TACR3: variants seen among roughly 807,000 people sequenced by gnomAD.
TACR3 encodes the protein neuromedin-K receptor.
Under a neutral mutation model 35.0 loss-of-function variants are expected in TACR3, and 34 were observed. That is an observed-to-expected ratio of 0.97 (90% CI 0.74 to 1.30). The LOEUF is 1.30. TACR3 is among the 50% of genes most tolerant of loss of function. TACR3 has a pLI of 0.00. For missense variants in TACR3, 558 were observed against 591.7 expected, an observed-to-expected ratio of 0.94 and a Z score of 0.59; for synonymous variants, 233 against 221.1, an observed-to-expected ratio of 1.05 and a Z score of -0.48.
At chr4:103,657,000 C>A (rs1169714024) in intron 2 of TACR3, among the ~76,000 whole-genome samples, 1 of 150,956 alleles carries the variant, frequency 6.6e-6, no homozygotes, top group African/African-American at 2.5e-5. Context: ...AGTAGTCAAA[C>A]GAGAAGTATG....
In TACR3 at chr4:103,719,710, A is replaced by T; in HGVS notation, c.-35T>A. 1 of 1,602,332 alleles carries T rather than the reference A, an allele frequency of 6.2e-7. No homozygotes were observed. Among genetic ancestry groups the T allele is most frequent in the South Asian group, 1.1e-5 (1 of 90,960 alleles). On this transcript the variant is annotated 5_prime_UTR_variant, in exon 1 of 5. Transcript: ENST00000304883. ...TCTGCAGTCCCGGACCCTCCCACTC[A>T]CCCACGGGCAGCCCAAGACGAGACT...
Position 103,589,914 on chromosome 4 carries a change from G to T in TACR3, c.1166C>A (p.Thr389Asn). 1.2e-6 allele frequency: 2 copies of T among 1,614,000 alleles called. No individual in the cohort carries two copies. The highest frequency in any genetic ancestry group is 1.7e-6 in the Non-Finnish European group (2 of 1,179,900). ...TTGCCGGTTTGGATGAAACCTGGTGGTCTTGAGCTCTAGCTCATCATAGCT... is the reference window on the plus strand; with the variant it reads ...TTGCCGGTTTGGATGAAACCTGGTGTTCTTGAGCTCTAGCTCATCATAGCT... ...VSSYDELELK[T>N]TRFHPNRQSS... Residue 389 changes from threonine to asparagine, a missense_variant, in exon 5 of 5, where the codon ACC becomes AAC. Coordinates refer to ENST00000304883, the MANE Select transcript of TACR3 (RefSeq NM_001059.3).
chr4:103,634,578 ATC>A (rs1725137952), intron 3 of TACR3, among the ~76,000 whole-genome samples: 1 of 152,112 alleles, frequency 6.6e-6, no homozygotes, highest in African/African-American at 2.4e-5. Flanking sequence ...TGTCATCTTC[ATC>A]AGCATAAACT....
At chr4:103,667,907 C>A (rs1015359232) in intron 1 of TACR3, among the ~76,000 whole-genome samples, 5 of 152,124 alleles carry the variant, frequency 3.3e-5, no homozygotes, top group Non-Finnish European at 5.9e-5. Flanking sequence ...TGGCTCACTG[C>A]AATCTCTGCC....
Position 103,586,177 on chromosome 4 carries a change from T to G in TACR3, c.*3505A>C. On this transcript the variant is annotated 3_prime_UTR_variant, in exon 5 of 5. Coordinates refer to ENST00000304883, the MANE Select transcript of TACR3 (RefSeq NM_001059.3). Reference sequence around the variant, plus strand: ...GAAAATACTTTATTCACTACAAACTTTATATACATTTACTTCTTATATAAA... The same window carrying G: ...GAAAATACTTTATTCACTACAAACTGTATATACATTTACTTCTTATATAAA... The G allele has an allele frequency of 6.6e-6, 1 of 151,948 alleles. No homozygotes were observed. 9.4% of individuals were successfully genotyped at this position (151,948 alleles called of 1,614,324 possible).
At chr4:103,627,662 C>CAAAG (rs1163566868) in intron 3 of TACR3, among the ~76,000 whole-genome samples, 4 of 152,128 alleles carry the variant, frequency 2.6e-5, no homozygotes, top group African/African-American at 9.7e-5. Context: ...TAGAGACCTA[C>CAAAG]AAAGAGACTT....
At chr4:103,621,798 G>C (rs1403978360) in intron 3 of TACR3, among the ~76,000 whole-genome samples, 1 of 152,204 alleles carries the variant, frequency 6.6e-6, no homozygotes, top group African/African-American at 2.4e-5. Flanking sequence ...GGTTTGGAGT[G>C]AGAGGTGGTT....
intron 2 of TACR3, 84 bp downstream of exon 2, chr4:103,658,131 T>C: frequency 7.6e-7 from 1 of 1,320,736 alleles, no homozygotes; most frequent in Non-Finnish European, 1.1e-6. Context: ...GAAATGTCAG[T>C]CTTATTTAAT....
intron 1 of TACR3, among the ~76,000 whole-genome samples, chr4:103,699,724 T>C (rs1400732455): frequency 6.6e-6 from 1 of 152,116 alleles, no homozygotes; most frequent in African/African-American, 2.4e-5. Flanking sequence ...TGGATATGTA[T>C]GAAAGATGAG....
At chr4:103,598,011 C>T (rs1283985188) in intron 3 of TACR3, among the ~76,000 whole-genome samples, 2 of 152,126 alleles carry the variant, frequency 1.3e-5, no homozygotes. Flanking sequence ...AGTTCTAGAT[C>T]CCTGAGGAAT....
chr4:103,666,311 G>T (rs1222183645), intron 1 of TACR3, among the ~76,000 whole-genome samples: 49 of 152,074 alleles, frequency 3.2e-4, no homozygotes, highest in Admixed American at 3.2e-3. Context: ...TAGGGTGAAG[G>T]TGGGAATGAG....
At chr4:103,684,761 G>C (rs1406188898) in intron 1 of TACR3, among the ~76,000 whole-genome samples, 1 of 152,004 alleles carries the variant, frequency 6.6e-6, no homozygotes, top group East Asian at 1.9e-4. Context: ...CCAGCACTTT[G>C]GGGGGCTGAG....
intron 3 of TACR3, among the ~76,000 whole-genome samples, chr4:103,608,917 A>G (rs1374801854): frequency 2.0e-5 from 3 of 152,160 alleles, no homozygotes; most frequent in East Asian, 1.9e-4. Context: ...AAGGTAGCAC[A>G]TAGAACATTC....
intron 3 of TACR3, among the ~76,000 whole-genome samples, chr4:103,627,020 T>TAAAAA (rs1192359662): frequency 7.3e-6 from 1 of 137,530 alleles, no homozygotes; most frequent in Non-Finnish European, 1.6e-5. Flanking sequence ...GAAAAATAAA[T>TAAAAA]AAAAAAAAAA....
intron 1 of TACR3, among the ~76,000 whole-genome samples, chr4:103,702,670 G>A (rs1198038199): frequency 6.6e-6 from 1 of 151,986 alleles, no homozygotes; most frequent in Non-Finnish European, 1.5e-5. Flanking sequence ...AACAATGATG[G>A]ACTGGATTAA....
intron 3 of TACR3, among the ~76,000 whole-genome samples, chr4:103,645,202 A>G (rs1410586962): frequency 1.3e-5 from 2 of 151,916 alleles, no homozygotes; most frequent in East Asian, 1.9e-4. Context: ...CATATTGTAC[A>G]TATTGTTATA....
chr4:103,624,357 G>A (rs1256215599), intron 3 of TACR3: 1 of 152,094 alleles, frequency 6.6e-6, no homozygotes, highest in East Asian at 1.9e-4. Flanking sequence ...GGAGAATGAT[G>A]AAATAATGAA....
chr4:103,710,832 T>C (rs932132589), intron 1 of TACR3, among the ~76,000 whole-genome samples: 1 of 152,094 alleles, frequency 6.6e-6, no homozygotes, highest in Admixed American at 6.5e-5. Flanking sequence ...CCCACGGAAA[T>C]ACGAACTACC....
chr4:103,639,630 C>CA (rs747980815), intron 3 of TACR3, among the ~76,000 whole-genome samples: 62 of 151,600 alleles, frequency 4.1e-4, no homozygotes, highest in Non-Finnish European at 8.3e-4. Context: ...CAGTTGACCA[C>CA]AAAAAAATGT....
Sources: gnomAD v4.1 joint callset for allele counts (sites outside exome capture counted in the v4.1 genomes callset) on GRCh38, gnomAD v4.1.1 for gene constraint, MANE v1.5 for transcripts, NCBI Gene and HGNC (gene_info 2026-07-23, HGNC 2026-07-21) for gene names.